The following MOSMO variants were observed in gnomAD, a reference collection of about 807,000 sequenced individuals.
MOSMO encodes the protein modulator of smoothened protein.
A neutral mutation model predicts 18.4 loss-of-function variants in MOSMO; 5 were observed. That is an observed-to-expected ratio of 0.27 (90% confidence interval 0.14 to 0.57). MOSMO has a LOEUF of 0.57. Among genes scored for constraint, MOSMO ranks in the 20% least tolerant of loss-of-function variants. The probability of loss-of-function intolerance (pLI) is 0.92; values close to 1 mark genes in which losing one functional copy is unlikely to be tolerated. For missense variants in MOSMO, 138 were observed against 211.8 expected (o/e 0.65, Z 2.16); for synonymous variants, 82 against 82.3 (o/e 1.00, Z 0.02).
chr16:22,058,967 T>C (rs1407423927), intron 1 of MOSMO, among the ~76,000 whole-genome samples: 1 of 152,212 alleles, frequency 6.6e-6, no homozygotes, highest in Non-Finnish European at 1.5e-5. Flanking sequence ...TGACGTTCTG[T>C]ATAATTTTTA....
chr16:22,090,566 T>C (rs925235047), downstream of MOSMO, among the ~76,000 whole-genome samples: 1 of 152,220 alleles, frequency 6.6e-6, no homozygotes, highest in Non-Finnish European at 1.5e-5. Flanking sequence ...CCAAAGCACC[T>C]GCTCCTGGTT....
chr16:22,026,379 C>T (rs1439895446), intron 1 of MOSMO, among the ~76,000 whole-genome samples: 3 of 151,822 alleles, frequency 2.0e-5, no homozygotes, highest in Non-Finnish European at 4.4e-5. Flanking sequence ...CTACCAAGCC[C>T]AGCTAATTTT....
At chr16:22,064,554 C>T (rs1900713569) in intron 1 of MOSMO, 1 of 403,942 alleles carries the variant, frequency 2.5e-6, no homozygotes. Context: ...CTACCTGACT[C>T]ACTTTGGTTT....
At chr16:22,070,655 G>C (rs1567514009) in intron 1 of MOSMO, among the ~76,000 whole-genome samples, 9 of 152,018 alleles carry the variant, frequency 5.9e-5, no homozygotes, top group Non-Finnish European at 1.5e-5. Context: ...TGATTTACCT[G>C]TTCACTCTTT....
chr16:22,089,555 T>A (rs1901252562), downstream of MOSMO, among the ~76,000 whole-genome samples: 1 of 152,102 alleles, frequency 6.6e-6, no homozygotes, highest in East Asian at 1.9e-4. Context: ...AATTTACTGG[T>A]TATTGGAGTA....
chr16:22,048,118 T>A (rs1208162328), intron 1 of MOSMO, among the ~76,000 whole-genome samples: 5 of 152,184 alleles, frequency 3.3e-5, no homozygotes, highest in Non-Finnish European at 5.9e-5. Flanking sequence ...GCTACTGCAG[T>A]GTAGGACTGT....
At chr16:22,066,449 T>A (rs924149147) in intron 1 of MOSMO, among the ~76,000 whole-genome samples, 1 of 152,122 alleles carries the variant, frequency 6.6e-6, no homozygotes, top group African/African-American at 2.4e-5. Flanking sequence ...TTTGGGACTG[T>A]CCACATACCC....
intron 1 of MOSMO, among the ~76,000 whole-genome samples, chr16:22,068,765 T>C (rs1259043350): frequency 1.3e-5 from 2 of 152,202 alleles, no homozygotes; most frequent in African/African-American, 4.8e-5. Context: ...TATTCATCAG[T>C]TGATGGACAT....
At chr16:22,088,901 A>C (rs1236281484), downstream of MOSMO, among the ~76,000 whole-genome samples, 1 of 152,140 alleles carries the variant, frequency 6.6e-6, no homozygotes, top group East Asian at 1.9e-4. Context: ...CCTTGGCTCA[A>C]ACATGAGCAG....
chr16:22,009,062 C>T (rs1899459565), intron 1 of MOSMO, among the ~76,000 whole-genome samples: 1 of 152,186 alleles, frequency 6.6e-6, no homozygotes, highest in African/African-American at 2.4e-5. Context: ...TGGAGCCCCT[C>T]TGCACCGCCG....
At chr16:22,092,436 C>A, downstream of MOSMO, 1 of 533,006 alleles carries the variant, frequency 1.9e-6, no homozygotes, top group Non-Finnish European at 3.3e-6. Context: ...TGACTTCTTC[C>A]CTGGGGTGAG....
At chr16:22,067,158 A>G (rs1900762645) in intron 1 of MOSMO, among the ~76,000 whole-genome samples, 1 of 152,198 alleles carries the variant, frequency 6.6e-6, no homozygotes, top group South Asian at 2.1e-4. Context: ...AAGACACATC[A>G]ATTGAGATTA....
chr16:22,013,879 T>C (rs1004416343), intron 1 of MOSMO, among the ~76,000 whole-genome samples: 2 of 145,256 alleles, frequency 1.4e-5, no homozygotes, highest in Non-Finnish European at 3.0e-5. Flanking sequence ...ATGTTACTGT[T>C]TGGGGGGGGG....
At chr16:22,031,072 C>G (rs1286530180) in intron 1 of MOSMO, among the ~76,000 whole-genome samples, 1 of 152,162 alleles carries the variant, frequency 6.6e-6, no homozygotes, top group African/African-American at 2.4e-5. Context: ...TTAGATGTGC[C>G]TCTAACTCAG....
intron 1 of MOSMO, among the ~76,000 whole-genome samples, chr16:22,073,298 A>G (rs775914966): frequency 2.6e-5 from 4 of 152,224 alleles, no homozygotes; most frequent in Non-Finnish European, 5.9e-5. Flanking sequence ...CAGACTTTGT[A>G]TGTTAAATTG....
intron 1 of MOSMO, among the ~76,000 whole-genome samples, chr16:22,061,280 C>T (rs1900640481): frequency 6.6e-6 from 1 of 152,162 alleles, no homozygotes; most frequent in Non-Finnish European, 1.5e-5. Flanking sequence ...TGTATCTAAA[C>T]TCGACCTCAG....
At chr16:22,011,063 A>G (rs1438460205) in intron 1 of MOSMO, among the ~76,000 whole-genome samples, 1 of 152,202 alleles carries the variant, frequency 6.6e-6, no homozygotes, top group Non-Finnish European at 1.5e-5. Flanking sequence ...ATGGATGTCC[A>G]AGGTCTGAGG....
chr16:22,053,796 C>G (rs1900476961), intron 1 of MOSMO, among the ~76,000 whole-genome samples: 1 of 151,708 alleles, frequency 6.6e-6, no homozygotes. Context: ...GAGGGAGACT[C>G]CGTCTCAAAA....
chr16:22,091,700 C>A (rs1901333424), downstream of MOSMO, among the ~76,000 whole-genome samples: 1 of 152,130 alleles, frequency 6.6e-6, no homozygotes, highest in African/African-American at 2.4e-5. Flanking sequence ...CATGTTCTAA[C>A]TGATAAAACT....
Sources: gnomAD v4.1 joint callset for allele counts (sites outside exome capture counted in the v4.1 genomes callset) on GRCh38, gnomAD v4.1.1 for gene constraint, MANE v1.5 for transcripts, NCBI Gene and HGNC (gene_info 2026-07-23, HGNC 2026-07-21) for gene names.